ATRNL1: variants seen among roughly 807,000 people sequenced by gnomAD.
The protein encoded by ATRNL1 is attractin like 1.
Under a neutral mutation model 182.7 loss-of-function variants are expected in ATRNL1, and 95 were observed. The ratio of observed to expected loss-of-function variants is 0.52; its 90% confidence interval spans 0.44 to 0.62. ATRNL1 has a LOEUF of 0.62. Ranked by LOEUF, ATRNL1 falls within the 20% of genes least tolerant of loss-of-function variation. The pLI is 0.00. For missense variants in ATRNL1, 1,471 were observed against 1,679.5 expected (o/e 0.88, Z 2.17); for synonymous variants, 576 against 568.3 (o/e 1.01, Z -0.19).
At chr10:115,684,484 C>A (rs1555045748) in intron 26 of ATRNL1, among the ~76,000 whole-genome samples, 1 of 149,474 alleles carries the variant, frequency 6.7e-6, no homozygotes, top group East Asian at 1.9e-4. Flanking sequence ...AATTTTATAT[C>A]TGTAAGGTTT....
At chr10:115,156,537 G>C (rs1056774049) in intron 5 of ATRNL1, among the ~76,000 whole-genome samples, 1 of 152,102 alleles carries the variant, frequency 6.6e-6, no homozygotes, top group Admixed American at 6.6e-5. Context: ...TACTCTGTAT[G>C]ATTATGTAGT....
intron 26 of ATRNL1, among the ~76,000 whole-genome samples, chr10:115,658,072 C>T (rs1244719988): frequency 1.4e-5 from 2 of 143,150 alleles, no homozygotes; most frequent in African/African-American, 5.1e-5. Context: ...TCAATTTATA[C>T]TGTTAGTAAT....
At chr10:115,848,012 T>TC in intron 28 of ATRNL1, 21 bp downstream of exon 28, 1 of 1,400,926 alleles carries the variant, frequency 7.1e-7, no homozygotes, top group South Asian at 1.2e-5. Context: ...TGAGGAGCCT[T>TC]CAGCAGTTAA....
chr10:115,536,634 G>T (rs964915638), intron 25 of ATRNL1, among the ~76,000 whole-genome samples: 2 of 152,164 alleles, frequency 1.3e-5, no homozygotes, highest in Non-Finnish European at 1.5e-5. Context: ...TGCGCCCACT[G>T]TCTGGCACTC....
At chr10:115,578,208 A>T (rs1854846766) in intron 26 of ATRNL1, among the ~76,000 whole-genome samples, 1 of 151,714 alleles carries the variant, frequency 6.6e-6, no homozygotes, top group South Asian at 2.1e-4. Flanking sequence ...ATTGGCCCAT[A>T]GTTTTCTTTT....
intron 26 of ATRNL1, among the ~76,000 whole-genome samples, chr10:115,617,006 A>G (rs1555021011): frequency 6.6e-6 from 1 of 152,112 alleles, no homozygotes; most frequent in East Asian, 1.9e-4. Flanking sequence ...CATGCCTCAG[A>G]CCCCAGAATG....
chr10:115,302,672 T>C (rs1337600615), intron 17 of ATRNL1, among the ~76,000 whole-genome samples: 9 of 152,202 alleles, frequency 5.9e-5, no homozygotes, highest in African/African-American at 2.2e-4. Flanking sequence ...TCTCATGTTT[T>C]CTAAGGACTA....
At chr10:115,753,436 C>T (rs531023704) in intron 27 of ATRNL1, among the ~76,000 whole-genome samples, 67 of 152,026 alleles carry the variant, frequency 4.4e-4, no homozygotes, top group African/African-American at 1.0e-3. Context: ...TTTGGTTTTC[C>T]GTTCTCGTGT....
chr10:115,629,529 G>C (rs1292352360), intron 26 of ATRNL1, among the ~76,000 whole-genome samples: 1 of 152,104 alleles, frequency 6.6e-6, no homozygotes, highest in Non-Finnish European at 1.5e-5. Context: ...TGGTTTTATT[G>C]CTCTTAAGAG....
chr10:115,462,384 C>A (rs7901285), intron 22 of ATRNL1, among the ~76,000 whole-genome samples: 1 of 152,016 alleles, frequency 6.6e-6, no homozygotes, highest in African/African-American at 2.4e-5. Flanking sequence ...GAGGCCAAGG[C>A]GGGCAGATCA....
chr10:115,506,091 A>T (rs963499317), intron 24 of ATRNL1, among the ~76,000 whole-genome samples: 19 of 150,282 alleles, frequency 1.3e-4, no homozygotes, highest in African/African-American at 3.2e-4. Flanking sequence ...AGTTAAAATT[A>T]AAAAAAAAAT....
intron 1 of ATRNL1, among the ~76,000 whole-genome samples, chr10:115,115,678 G>C (rs1459987379): frequency 5.3e-5 from 8 of 152,072 alleles, no homozygotes; most frequent in African/African-American, 1.9e-4. Flanking sequence ...GAGTGGATCT[G>C]ACTATTCCTT....
intron 26 of ATRNL1, among the ~76,000 whole-genome samples, chr10:115,577,718 CT>C (rs1411427361): frequency 2.1e-5 from 3 of 143,368 alleles, no homozygotes; most frequent in Non-Finnish European, 4.6e-5. Flanking sequence ...TTTATTCTTC[CT>C]TTTCAATTTT....
At chr10:115,514,221 G>A (rs1011871797) in intron 24 of ATRNL1, among the ~76,000 whole-genome samples, 1 of 151,762 alleles carries the variant, frequency 6.6e-6, no homozygotes, top group East Asian at 1.9e-4. Context: ...ATTTTGGGAG[G>A]TCCAAGTGTC....
chr10:115,255,583 A>C (rs1286405855), intron 10 of ATRNL1, among the ~76,000 whole-genome samples: 1 of 152,196 alleles, frequency 6.6e-6, no homozygotes, highest in African/African-American at 2.4e-5. Context: ...TCATCTGCAA[A>C]CAGGGACAAT....
chr10:115,739,400 T>C (rs976734506), intron 27 of ATRNL1, among the ~76,000 whole-genome samples: 1 of 152,226 alleles, frequency 6.6e-6, no homozygotes, highest in Admixed American at 6.5e-5. Flanking sequence ...AACAGTGTTA[T>C]AGCTTTGGAT....
chr10:115,279,360 T>C (rs1404583403), intron 13 of ATRNL1, among the ~76,000 whole-genome samples: 8 of 152,072 alleles, frequency 5.3e-5, no homozygotes, highest in African/African-American at 1.4e-4. Flanking sequence ...AAATCAAATA[T>C]ATCAACAACA....
At chr10:115,345,685 T>G (rs1183666060) in intron 19 of ATRNL1, among the ~76,000 whole-genome samples, 1 of 152,206 alleles carries the variant, frequency 6.6e-6, no homozygotes, top group Non-Finnish European at 1.5e-5. Flanking sequence ...TCTTGCTCTG[T>G]GTCTCTATCA....
At chr10:115,860,972 T>C (rs1399032731) in intron 28 of ATRNL1, among the ~76,000 whole-genome samples, 1 of 152,196 alleles carries the variant, frequency 6.6e-6, no homozygotes, top group Non-Finnish European at 1.5e-5. Flanking sequence ...GCCTGGCTCC[T>C]AGCCTGAGTC....
Sources: gnomAD v4.1 joint callset for allele counts (sites outside exome capture counted in the v4.1 genomes callset) on GRCh38, gnomAD v4.1.1 for gene constraint, MANE v1.5 for transcripts, NCBI Gene and HGNC (gene_info 2026-07-23, HGNC 2026-07-21) for gene names.